The following LHX2 variants were observed in gnomAD, a reference collection of about 807,000 sequenced individuals.
The protein encoded by LHX2 is LIM/homeobox protein Lhx2.
A neutral mutation model predicts 33.0 loss-of-function variants in LHX2; 6 were observed. The ratio of observed to expected loss-of-function variants is 0.18; its 90% CI spans 0.10 to 0.36. The LOEUF is 0.36. Ranked by LOEUF, LHX2 falls within the 10% of genes least tolerant of loss-of-function variation. The pLI, the probability that LHX2 is intolerant of heterozygous loss-of-function variation, is 1.00. For missense variants in LHX2, 442 were observed against 586.2 expected, an observed-to-expected ratio of 0.75 and a Z score of 2.54; for synonymous variants, 292 against 253.1, an observed-to-expected ratio of 1.15 and a Z score of -1.46.
At chr9:124,024,477 T>G (rs1828573122) in intron 4 of LHX2, among the ~76,000 whole-genome samples, 2 of 152,232 alleles carry the variant, frequency 1.3e-5, no homozygotes, top group Non-Finnish European at 2.9e-5. Flanking sequence ...ACAGACTGGT[T>G]TTAATCCTGT....
chr9:124,027,877 T>C (rs969296721), intron 4 of LHX2, among the ~76,000 whole-genome samples: 2 of 151,546 alleles, frequency 1.3e-5, no homozygotes, highest in African/African-American at 4.8e-5. Flanking sequence ...ATTTGCTTTA[T>C]GAAGGTACAA....
rs942369746 is a variant in LHX2, at chr9:124,012,527, G to T, written c.120+59G>T. 7.0e-6 allele frequency: 10 copies of T among 1,423,698 alleles called. No individual in the cohort carries two copies. The highest frequency in any genetic ancestry group is 1.4e-5 in the South Asian group (1 of 71,282). 88.2% of individuals were successfully genotyped at this position (1,423,698 alleles called of 1,614,324 possible). ...CTGGGATGGGGCCGGGCCAGTCAGC[G>T]CCTCTGCTCCCCGAAGTTTGGGGAG... On this transcript the variant is annotated intron_variant, in intron 1 of 4. Coordinates refer to ENST00000373615, the MANE Select transcript of LHX2 (RefSeq NM_004789.4). The surrounding 1 kb of genome is among the most constrained non-coding windows in gnomAD (Gnocchi z 4.3).
chr9:124,026,621 A>G (rs1828627043), intron 4 of LHX2, among the ~76,000 whole-genome samples: 1 of 152,288 alleles, frequency 6.6e-6, no homozygotes, highest in South Asian at 2.1e-4. Context: ...GGAAAGGCTC[A>G]AGGTTGACTG....
chr9:124,021,484 T>C (rs1171696143), intron 4 of LHX2, among the ~76,000 whole-genome samples, 180 bp downstream of exon 4: 1 of 152,244 alleles, frequency 6.6e-6, no homozygotes, highest in Non-Finnish European at 1.5e-5. Flanking sequence ...TTCAGTCTTT[T>C]TTTTCTTACT....
At chr9:124,017,338 G>A (rs1439491937) in intron 3 of LHX2, among the ~76,000 whole-genome samples, 1 of 152,050 alleles carries the variant, frequency 6.6e-6, no homozygotes, top group East Asian at 1.9e-4. Context: ...CGCCGGCGGT[G>A]GCTATGCGGC....
Position 124,032,838 on chromosome 9 carries a change from G to A in LHX2, c.*131G>A. The A allele has an allele frequency of 9.0e-7, 1 of 1,109,966 alleles. No individual in the cohort carries two copies. The highest frequency in any genetic ancestry group is 1.3e-6 in the Non-Finnish European group (1 of 796,626). 68.8% of individuals were successfully genotyped at this position (1,109,966 alleles called of 1,614,324 possible). On this transcript the variant is annotated 3_prime_UTR_variant, in exon 5 of 5. Transcript: ENST00000373615. This position sits in a 1 kb window ranked among gnomAD's most constrained non-coding sequence, Gnocchi z 4.1. ...TTTTAGGATCTCGCCTGGAAACAGAGGTAAAAAAAAGAAGTGTGCGCCCGG... is the reference window on the plus strand; with the variant it reads ...TTTTAGGATCTCGCCTGGAAACAGAAGTAAAAAAAAGAAGTGTGCGCCCGG...
chr9:124,032,767 C>T lies in LHX2; in HGVS notation c.*60C>T, dbSNP rs1828719104. 3 of 1,482,276 alleles carry T rather than the reference C, an allele frequency of 2.0e-6. No individual in the cohort carries two copies. In the African/African-American group the frequency reaches 4.2e-5, roughly 21 times the overall value. The allele number at this position is 1,482,276 out of a possible 1,614,324, so 91.8% of individuals were successfully genotyped here. On this transcript the variant is annotated 3_prime_UTR_variant, in exon 5 of 5. Transcript: ENST00000373615. The surrounding 1 kb of genome is among the most constrained non-coding windows in gnomAD (Gnocchi z 4.1). ...AAAAGAAATTATCTTTAGTTGAATTCCAAGTGTATTTTAAAATAGAGGCTT... is the reference window on the plus strand; with the variant it reads ...AAAAGAAATTATCTTTAGTTGAATTTCAAGTGTATTTTAAAATAGAGGCTT...
rs1215327844 is a variant in LHX2 at position 124,016,508 on chromosome 9, C to T, written c.727+983C>T. Among the ~76,000 whole-genome samples, 3 of 152,212 alleles carry T rather than the reference C, an allele frequency of 2.0e-5. No individual in the cohort carries two copies. Among genetic ancestry groups the T allele is most frequent in the Non-Finnish European group, 4.4e-5 (3 of 68,046 alleles). On this transcript the variant is annotated intron_variant, in intron 3 of 4. Coordinates refer to ENST00000373615, the MANE Select transcript of LHX2 (RefSeq NM_004789.4). This position sits in a 1 kb window ranked among gnomAD's most constrained non-coding sequence, Gnocchi z 4.4. ...TTAGATTTGGAGATTTTGTGTTCTT[C>T]TTCCTTTTCCCTTTAGTCTAATGCA...
In LHX2 at chr9:124,033,256, A is replaced by G. The variant is rs1220138178; in HGVS notation, c.*549A>G. ...TAAGGTGGAAGTCTGTTCGAATATC[A>G]GAATTTGTAAAATCTAACCAGTAAT... On this transcript the variant is annotated 3_prime_UTR_variant, in exon 5 of 5. Transcript: ENST00000373615. 6.6e-6 allele frequency: 1 copy of G among 152,242 alleles called. No homozygotes were observed. Among genetic ancestry groups the G allele is most frequent in the Non-Finnish European group, 1.5e-5 (1 of 68,054 alleles). The allele number at this position is 152,242 out of a possible 1,614,324, so 9.4% of individuals were successfully genotyped here. A position where few individuals can be genotyped will look rare whatever the true frequency, so the allele number is the denominator to read the frequency against.
chr9:124,011,962 G>A lies in LHX2; in HGVS notation c.-387G>A, dbSNP rs1859093197. 1 of 152,232 alleles carries A rather than the reference G, an allele frequency of 6.6e-6. No homozygotes were observed. Among genetic ancestry groups the A allele is most frequent in the African/African-American group, 2.4e-5 (1 of 41,430 alleles). The allele number at this position is 152,232 out of a possible 1,614,324, so 9.4% of individuals were successfully genotyped here. ...ACCGCAGCCGTCGCCGCCTCGGGCAGAGTTTGCGCCCTTGCTTTGCGCCCC... is the reference window on the plus strand; with the variant it reads ...ACCGCAGCCGTCGCCGCCTCGGGCAAAGTTTGCGCCCTTGCTTTGCGCCCC... On this transcript the variant is annotated 5_prime_UTR_variant, in exon 1 of 5. Coordinates refer to ENST00000373615, the MANE Select transcript of LHX2 (RefSeq NM_004789.4).
intron 1 of LHX2, among the ~76,000 whole-genome samples, 161 bp from the exon 2 acceptor site, chr9:124,013,800 G>A (rs1401078702): frequency 6.6e-6 from 1 of 152,290 alleles, no homozygotes; most frequent in Non-Finnish European, 1.5e-5. Flanking sequence ...ATGGAAATGG[G>A]CCTTTTGGGG....
chr9:124,032,674 C>T lies in LHX2; in HGVS notation c.1188C>T (p.Ser396=), dbSNP rs1431974325. The change falls in exon 5 of 5, where the codon AGC becomes AGT. Residue 396 remains serine, a synonymous_variant. Transcript: ENST00000373615. This position sits in a 1 kb window ranked among gnomAD's most constrained non-coding sequence, Gnocchi z 4.1. The stretch of plus-strand genomic sequence containing the variant: ...ACCTGGAGGGCCATGAGCCTCACAG[C>T]CCCTCACAAACGACTCTTACCAACC... ...PGNLEGHEPH[S]PSQTTLTNLF is the part of the protein sequence containing the mutation. 2 of 1,607,970 alleles carry T rather than the reference C, an allele frequency of 1.2e-6. No homozygotes were observed. The highest frequency in any genetic ancestry group is 1.7e-6 in the Non-Finnish European group (2 of 1,175,194).
rs1267172828 is a variant in LHX2 at position 124,014,475 on chromosome 9, T to C, written c.323+312T>C. Among the ~76,000 whole-genome samples, 2 of 152,112 alleles carry C rather than the reference T, an allele frequency of 1.3e-5. No homozygotes were observed. Among genetic ancestry groups the C allele is most frequent in the African/African-American group, 2.4e-5 (1 of 41,400 alleles). ...CTTGCTCCCCTCTCTCTTTGAAGTT[T>C]CTTGAGTTAATCCGAGGTTATAGAA... On this transcript the variant is annotated intron_variant, in intron 2 of 4. Transcript: ENST00000373615. This position sits in a 1 kb window ranked among gnomAD's most constrained non-coding sequence, Gnocchi z 4.8.
At chr9:124,030,049 G>A (rs1828686723) in intron 4 of LHX2, among the ~76,000 whole-genome samples, 1 of 152,234 alleles carries the variant, frequency 6.6e-6, no homozygotes, top group South Asian at 2.1e-4. Flanking sequence ...AGGGGTGATG[G>A]GCTTTCTTTG....
In LHX2 at chr9:124,032,315, AAC is replaced by A; in HGVS notation, c.934-101_934-100del. The A allele has an allele frequency of 1.5e-6, 2 of 1,357,196 alleles. No individual in the cohort carries two copies. The highest frequency in any genetic ancestry group is 1.5e-5 in the South Asian group (1 of 65,710). The allele number at this position is 1,357,196 out of a possible 1,614,324, so 84.1% of individuals were successfully genotyped here. On this transcript the variant is annotated intron_variant, in intron 4 of 4. Transcript: ENST00000373615. This position sits in a 1 kb window ranked among gnomAD's most constrained non-coding sequence, Gnocchi z 4.1. ...CTGACTTTTTGGATCCTCTTGGCAA[AAC>A]ACAGATCAGCGTCCCCAGAGGCAGC...
At chr9:124,025,218 G>A (rs1308099705) in intron 4 of LHX2, among the ~76,000 whole-genome samples, 7 of 152,132 alleles carry the variant, frequency 4.6e-5, no homozygotes, top group African/African-American at 9.6e-5. Flanking sequence ...CGAGGCGGGC[G>A]GATTACAAGG....
chr9:124,027,675 G>A (rs1038425475), intron 4 of LHX2, among the ~76,000 whole-genome samples: 39 of 152,050 alleles, frequency 2.6e-4, no homozygotes, highest in Admixed American at 2.0e-3. Flanking sequence ...AAAATTAGCC[G>A]GGCATGGTGC....
At position 124,014,796 on chromosome 9, in the gene LHX2, G is replaced by A. The variant is rs568417696; in HGVS notation, c.324-326G>A. On this transcript the variant is annotated intron_variant, in intron 2 of 4. Coordinates refer to ENST00000373615, the MANE Select transcript of LHX2 (RefSeq NM_004789.4). This position sits in a 1 kb window ranked among gnomAD's most constrained non-coding sequence, Gnocchi z 4.8. ...AAGTCAGTAGGATTCCCAGGCGCTGGTTTGGAGGGAGGAGTAAAGGTTGAG... is the reference window on the plus strand; with the variant it reads ...AAGTCAGTAGGATTCCCAGGCGCTGATTTGGAGGGAGGAGTAAAGGTTGAG... Among the ~76,000 whole-genome samples the A allele has an allele frequency of 6.6e-6, 1 of 152,146 alleles. No homozygotes were observed. The highest frequency in any genetic ancestry group is 1.5e-5 in the Non-Finnish European group (1 of 68,026).
At chr9:124,029,916 A>G (rs991094589) in intron 4 of LHX2, among the ~76,000 whole-genome samples, 3 of 152,120 alleles carry the variant, frequency 2.0e-5, no homozygotes, top group African/African-American at 7.2e-5. Context: ...TCTTTAGGCC[A>G]CCAGGACACA....
Sources: gnomAD v4.1 joint callset for allele counts (sites outside exome capture counted in the v4.1 genomes callset) on GRCh38, gnomAD v4.1.1 for gene constraint, Gnocchi (gnomAD v3.1) non-coding constraint, MANE v1.5 for transcripts, NCBI Gene and HGNC (gene_info 2026-07-23, HGNC 2026-07-21) for gene names.